IL1RAPL2: variants seen among roughly 807,000 people sequenced by gnomAD.
IL1RAPL2 encodes the protein interleukin 1 receptor accessory protein like 2, also known as X-linked interleukin-1 receptor accessory protein-like 2.
Under a neutral mutation model 44.1 loss-of-function variants are expected in IL1RAPL2, and 3 were observed. That is an observed-to-expected ratio of 0.07 (90% CI 0.03 to 0.18). IL1RAPL2 has a LOEUF of 0.18. Ranked by LOEUF, IL1RAPL2 falls within the 10% of genes least tolerant of loss-of-function variation. The probability of loss-of-function intolerance (pLI) is 1.00; values close to 1 mark genes in which losing one functional copy is unlikely to be tolerated. For synonymous variants in IL1RAPL2, 181 were observed against 178.8 expected, an observed-to-expected ratio of 1.01 and a Z score of -0.10; for missense variants, 391 against 496.4, an observed-to-expected ratio of 0.79 and a Z score of 2.02.
intron 5 of IL1RAPL2, among the ~76,000 whole-genome samples, chrX:105,453,219 GCA>G (rs2036031594): frequency 8.9e-6 from 1 of 111,861 alleles, no homozygotes; most frequent in Non-Finnish European, 1.9e-5. Context: ...TGACACAACA[GCA>G]CACACAGAAT....
intron 3 of IL1RAPL2, among the ~76,000 whole-genome samples, chrX:105,230,430 G>A (rs2034058410): frequency 9.3e-6 from 1 of 107,288 alleles, no homozygotes; most frequent in South Asian, 3.9e-4. Context: ...TAAATTATAA[G>A]TATTATATAT....
intron 7 of IL1RAPL2, among the ~76,000 whole-genome samples, chrX:105,722,322 A>G (rs1297521615): frequency 9.0e-6 from 1 of 111,728 alleles, no homozygotes; most frequent in African/African-American, 3.3e-5. Flanking sequence ...ATTCCACTTC[A>G]TATGTCTTGT....
intron 5 of IL1RAPL2, among the ~76,000 whole-genome samples, chrX:105,453,207 A>G (rs1252945395): frequency 8.9e-6 from 1 of 111,874 alleles, no homozygotes; most frequent in African/African-American, 3.3e-5. Flanking sequence ...ATACCTTCAC[A>G]TTGACACAAC....
In IL1RAPL2 at chrX:105,233,856, C is replaced by A; in HGVS notation, c.395C>A (p.Thr132Asn). 1 of 1,210,111 alleles carries A rather than the reference C, an allele frequency of 8.3e-7. No individual in the cohort carries two copies. Among genetic ancestry groups the A allele is most frequent in the Non-Finnish European group, 1.1e-6 (1 of 894,392 alleles). Reference protein sequence around the residue: ...TYCMKVSMSLTVAENESGLCY... With the variant: ...TYCMKVSMSLNVAENESGLCY... ...TGCATGAAGGTGTCAATGTCCTTGA[C>A]TGTTGCAGAGAATGAATCAGGCCTG... is the stretch of plus-strand genomic sequence containing the variant. Residue 132 changes from threonine to asparagine, a missense_variant, in exon 4 of 11, where the codon ACT (threonine) becomes AAT (asparagine). This residue lies in a region of IL1RAPL2 where 159 missense variants were observed against 251.7 expected (regional missense o/e 0.63). Transcript: ENST00000372582.
intron 6 of IL1RAPL2, among the ~76,000 whole-genome samples, chrX:105,485,536 T>C (rs1451577896): frequency 1.8e-5 from 2 of 111,526 alleles, no homozygotes; most frequent in African/African-American, 6.5e-5. Context: ...GTTGTGCTAT[T>C]AAATACTAGA....
intron 2 of IL1RAPL2, among the ~76,000 whole-genome samples, chrX:104,929,862 C>G (rs1018406882): frequency 2.7e-5 from 3 of 111,881 alleles, no homozygotes; most frequent in Non-Finnish European, 5.6e-5. Flanking sequence ...AGAAATGATG[C>G]CCTTTTAGGT....
At chrX:104,582,822 CTCTTTCTT>C (rs778392028) in intron 1 of IL1RAPL2, among the ~76,000 whole-genome samples, 826 of 40,650 alleles carry the variant, frequency 0.02, 12 homozygotes, top group Middle Eastern at 0.03. Flanking sequence ...TCCTTTCTTT[CTCTTTCTT>C]TCTTTCTTTC....
chrX:105,583,221 G>A (rs762454421), intron 6 of IL1RAPL2, among the ~76,000 whole-genome samples: 4 of 100,418 alleles, frequency 4.0e-5, no homozygotes, highest in African/African-American at 7.4e-5. Flanking sequence ...TGCAACCTCC[G>A]TCTCCCAGGT....
intron 6 of IL1RAPL2, among the ~76,000 whole-genome samples, chrX:105,532,111 C>T (rs2036641783): frequency 8.9e-6 from 1 of 112,019 alleles, no homozygotes; most frequent in Admixed American, 9.5e-5. Context: ...AGCTCTGGCT[C>T]ATTTTAGTGG....
chrX:105,027,871 T>G (rs2031402869), intron 2 of IL1RAPL2, among the ~76,000 whole-genome samples: 1 of 111,943 alleles, frequency 8.9e-6, no homozygotes, highest in African/African-American at 3.2e-5. Context: ...AAGAGATATC[T>G]GCACACCTGT....
intron 2 of IL1RAPL2, among the ~76,000 whole-genome samples, chrX:104,990,349 A>G (rs1183837210): frequency 8.9e-6 from 1 of 112,201 alleles, no homozygotes; most frequent in African/African-American, 3.2e-5. Context: ...TCATGCAAAT[A>G]AAACTCCGTA....
intron 5 of IL1RAPL2, among the ~76,000 whole-genome samples, chrX:105,270,770 A>C (rs941002818): frequency 1.8e-5 from 2 of 111,890 alleles, no homozygotes; most frequent in African/African-American, 6.5e-5. Context: ...GTCTTCTCAT[A>C]ATTCAAAATA....
intron 4 of IL1RAPL2, among the ~76,000 whole-genome samples, chrX:105,265,604 A>G (rs932171927): frequency 1.8e-5 from 2 of 111,546 alleles, no homozygotes; most frequent in Admixed American, 9.6e-5. Flanking sequence ...TATTACTTTT[A>G]TTTACTCTCT....
Position 104,658,991 on chromosome X carries a change from T to C in IL1RAPL2, c.78T>C (p.Asn26=). 1.7e-6 allele frequency: 2 copies of C among 1,192,671 alleles called. No individual in the cohort carries two copies. The highest frequency in any genetic ancestry group is 2.3e-6 in the Non-Finnish European group (2 of 879,988). The change falls in exon 2 of 11, where the codon AAT becomes AAC. Residue 26 remains asparagine (N), a synonymous_variant. Transcript: ENST00000372582. ...ATCTGAAGATGGTGTCAAAGAGAAA[T>C]TCTGGTAAGTTGCTGGCAACTTGCC... ...STNLKMVSKR[N]SVDGCIDWSV...
At chrX:104,675,430 G>A (rs1191242498) in intron 2 of IL1RAPL2, among the ~76,000 whole-genome samples, 1 of 111,752 alleles carries the variant, frequency 8.9e-6, no homozygotes, top group Non-Finnish European at 1.9e-5. Context: ...TCTTAATCCT[G>A]AGTTCTAGTT....
chrX:105,363,165 T>G (rs1324278582), intron 5 of IL1RAPL2, among the ~76,000 whole-genome samples: 2 of 105,840 alleles, frequency 1.9e-5, no homozygotes, highest in Non-Finnish European at 3.9e-5. Context: ...ACCCTCCAGA[T>G]TAATCTATGT....
chrX:104,821,540 C>T (rs1055505163), intron 2 of IL1RAPL2, among the ~76,000 whole-genome samples: 2 of 111,656 alleles, frequency 1.8e-5, no homozygotes, highest in Non-Finnish European at 3.8e-5. Flanking sequence ...ATGATAGTTT[C>T]CAGCTTCATC....
intron 6 of IL1RAPL2, among the ~76,000 whole-genome samples, chrX:105,673,189 T>A (rs1398503390): frequency 9.0e-6 from 1 of 111,708 alleles, no homozygotes; most frequent in Non-Finnish European, 1.9e-5. Flanking sequence ...AGTTCTGGGG[T>A]ACATATGCAG....
chrX:104,632,486 C>T (rs1284011140), intron 1 of IL1RAPL2, among the ~76,000 whole-genome samples: 69 of 111,052 alleles, frequency 6.2e-4, no homozygotes, highest in Non-Finnish European at 7.5e-5. Context: ...ATGGAATGTT[C>T]TTCCATTTAT....
Sources: allele counts gnomAD v4.1 joint callset (sites outside exome capture counted in the v4.1 genomes callset), GRCh38; gene constraint gnomAD v4.1.1; regional missense constraint gnomAD v4.1.1; transcripts MANE v1.5; gene names NCBI Gene and HGNC (gene_info 2026-07-23, HGNC 2026-07-21).